Variants in AFAP1L2 observed in about 807,000 individuals in gnomAD.
AFAP1L2 encodes actin filament associated protein 1 like 2, also known as actin filament-associated protein 1-like 2.
In AFAP1L2, 46 loss-of-function variants were observed where a neutral mutation model predicts 99.3. The observed-to-expected ratio is 0.46, with a 90% CI of 0.37 to 0.59. The LOEUF is 0.59. Among genes scored for constraint, AFAP1L2 ranks in the 20% least tolerant of loss-of-function variants. The pLI is 0.00. For missense variants in AFAP1L2, 959 were observed against 1,034.9 expected (o/e 0.93, Z 1.01); for synonymous variants, 397 against 419.1 (o/e 0.95, Z 0.64).
intron 1 of AFAP1L2, among the ~76,000 whole-genome samples, chr10:114,395,980 A>T (rs2057674647): frequency 6.6e-6 from 1 of 152,216 alleles, no homozygotes; most frequent in African/African-American, 2.4e-5. Context: ...AACAAAACTA[A>T]GACAATTAGA....
Position 114,300,362 on chromosome 10 carries a change from G to T in AFAP1L2, c.1789C>A (p.Gln597Lys). 6.2e-7 allele frequency: 1 copy of T among 1,614,178 alleles called. No homozygotes were observed. The highest frequency in any genetic ancestry group is 8.5e-7 in the Non-Finnish European group (1 of 1,180,018). ...IKCPENLGEQ[Q>K]LESLEPEDPS... ...TCCTCTGGCTCCAAACTCTCCAGCTGCTTTGGGGGAAAGCAGACCTGACTC... is the reference window on the plus strand; with the variant it reads ...TCCTCTGGCTCCAAACTCTCCAGCTTCTTTGGGGGAAAGCAGACCTGACTC... Residue 597 changes from glutamine (Q) to lysine (K), a missense_variant and splice_region_variant, in exon 15 of 19, where the codon CAG becomes AAG. Gln to Lys is a moderately conservative substitution (Grantham distance 53). Coordinates refer to ENST00000304129, the MANE Select transcript of AFAP1L2 (RefSeq NM_001001936.3).
At chr10:114,286,221 G>C in the AFAP1L2 span, 2 of 1,613,614 alleles carry the variant, frequency 1.2e-6, no homozygotes, top group South Asian at 2.2e-5. Flanking sequence ...AGTGCCTTGC[G>C]GCAGGCGGCA....
intron 4 of AFAP1L2, among the ~76,000 whole-genome samples, chr10:114,329,422 T>C (rs949368854): frequency 6.6e-6 from 1 of 152,130 alleles, no homozygotes; most frequent in Non-Finnish European, 1.5e-5. Context: ...CAGTACGCGG[T>C]GCTCATGAAA....
intron 1 of AFAP1L2, among the ~76,000 whole-genome samples, chr10:114,365,199 A>AGGTATGGACATTGTTCTCTTCT (rs1290230157): frequency 1.3e-5 from 2 of 152,112 alleles, no homozygotes; most frequent in Non-Finnish European, 2.9e-5. Flanking sequence ...AGAAGTGTCT[A>AGGTATGGACATTGTTCTCTTCT]GGTATGGACA....
intron 1 of AFAP1L2, among the ~76,000 whole-genome samples, chr10:114,356,853 G>T (rs919492250): frequency 6.6e-6 from 1 of 152,218 alleles, no homozygotes; most frequent in Non-Finnish European, 1.5e-5. Flanking sequence ...GCTTTTACAT[G>T]TGTTGGTCAT....
downstream of AFAP1L2, chr10:114,291,471 T>C (rs2039593261): frequency 9.4e-6 from 5 of 533,116 alleles, no homozygotes; most frequent in African/African-American, 4.0e-5. Flanking sequence ...CAAACGATGT[T>C]GTTGAAAAGT....
At chr10:114,309,005 C>T (rs2042822866) in intron 8 of AFAP1L2, among the ~76,000 whole-genome samples, 1 of 152,166 alleles carries the variant, frequency 6.6e-6, no homozygotes, top group Non-Finnish European at 1.5e-5. Context: ...GGATGACATC[C>T]CAGTCTGCTC....
intron 1 of AFAP1L2, among the ~76,000 whole-genome samples, chr10:114,341,887 T>C (rs2048881176): frequency 6.6e-6 from 1 of 152,102 alleles, no homozygotes; most frequent in Non-Finnish European, 1.5e-5. Flanking sequence ...GAAGAAAGAA[T>C]TTGAGAGGCA....
At chr10:114,306,761 C>A (rs78327729) in intron 10 of AFAP1L2, among the ~76,000 whole-genome samples, 3,655 of 152,158 alleles carry the variant, frequency 0.024, 137 homozygotes, top group African/African-American at 0.082. Context: ...CCTCCCCTAG[C>A]CGCAGGAAGC....
Position 114,340,909 on chromosome 10 carries a change from C to T in AFAP1L2, c.17-178G>A, listed in dbSNP as rs1220939203. The T allele has an allele frequency of 5.2e-6, 4 of 770,650 alleles. No individual in the cohort carries two copies. In the African/African-American group the frequency reaches 6.9e-5, roughly 13 times the overall value. 47.7% of individuals were successfully genotyped at this position (770,650 alleles called of 1,614,324 possible). ...GGGCAGAAGATGGGATTCTCAGCTC[C>T]AGGGCCACAGGGAGAGAGAAACAGG... is the stretch of plus-strand genomic sequence containing the variant. On this transcript the variant is annotated intron_variant, in intron 1 of 18. Coordinates refer to ENST00000304129, the MANE Select transcript of AFAP1L2 (RefSeq NM_001001936.3).
chr10:114,358,497 A>C (rs1387701406), intron 1 of AFAP1L2, among the ~76,000 whole-genome samples: 2 of 152,188 alleles, frequency 1.3e-5, no homozygotes, highest in Non-Finnish European at 2.9e-5. Flanking sequence ...CCAGATCTGA[A>C]TTCAAATCAC....
At chr10:114,286,885 T>C in the AFAP1L2 span, among the ~76,000 whole-genome samples, 1 of 152,214 alleles carries the variant, frequency 6.6e-6, no homozygotes, top group Non-Finnish European at 1.5e-5. Context: ...CCAGCTCCTT[T>C]GATGGCAATC....
chr10:114,333,727 C>G (rs1387748555), intron 2 of AFAP1L2, among the ~76,000 whole-genome samples: 1 of 152,142 alleles, frequency 6.6e-6, no homozygotes, highest in African/African-American at 2.4e-5. Flanking sequence ...AGGAGAATCA[C>G]TTGAACCTGG....
At position 114,323,252 on chromosome 10, in the gene AFAP1L2, G is replaced by A. The variant is rs62641712; in HGVS notation, c.325C>T (p.Arg109Trp). The change falls in exon 5 of 19, where the codon CGG becomes TGG. Residue 109 changes from arginine (R) to tryptophan (W), a missense_variant. This residue lies in a region of AFAP1L2 where 383 missense variants were observed against 472.8 expected (regional missense o/e 0.81). Coordinates refer to ENST00000304129, the MANE Select transcript of AFAP1L2 (RefSeq NM_001001936.3). Reference sequence around the variant, plus strand: ...GTCTTTGGGATGGCAAGCTGTTTCCGTTCTGGAATCTGTGGTATGAACAAA... The same window carrying A: ...GTCTTTGGGATGGCAAGCTGTTTCCATTCTGGAATCTGTGGTATGAACAAA... ...DLPPPKMIPE[R>W]KQLAIPKTES... is the part of the protein sequence containing the mutation. The A allele has an allele frequency of 7.3e-4, 1,166 of 1,594,632 alleles. 11 individuals carry two copies. In the African/African-American group the frequency reaches 0.012, roughly 16 times the overall value.
At chr10:114,305,514 A>G (rs1589984550) in intron 10 of AFAP1L2, among the ~76,000 whole-genome samples, 3 of 48,410 alleles carry the variant, frequency 6.2e-5, no homozygotes, top group African/African-American at 1.6e-4. Context: ...GAGATGCAGG[A>G]GGGGGTGCAG....
At chr10:114,395,803 C>T (rs927486957) in intron 1 of AFAP1L2, among the ~76,000 whole-genome samples, 3 of 149,126 alleles carry the variant, frequency 2.0e-5, no homozygotes, top group Admixed American at 2.0e-4. Context: ...CATAAGCTCC[C>T]AGCTTCTCCC....
chr10:114,297,363 C>T lies in AFAP1L2; in HGVS notation c.2164G>A (p.Glu722Lys). Residue 722 changes from glutamate to lysine, a missense_variant, in exon 17 of 19, where the codon GAG (glutamate) becomes AAG (lysine). By Grantham distance (56) the Glu-to-Lys change is moderately conservative. Coordinates refer to ENST00000304129, the MANE Select transcript of AFAP1L2 (RefSeq NM_001001936.3). ...LEQKLKEIDE[E>K]CRGEESRRVD... ...CGCCTGCTCTCCTCGCCCCGGCACTCCTCGTCAATTTCCTTCAGCTTCTGC... is the reference window on the plus strand; with the variant it reads ...CGCCTGCTCTCCTCGCCCCGGCACTTCTCGTCAATTTCCTTCAGCTTCTGC... 1.2e-6 allele frequency: 2 copies of T among 1,613,774 alleles called. No homozygotes were observed. Among genetic ancestry groups the T allele is most frequent in the Non-Finnish European group, 1.7e-6 (2 of 1,180,020 alleles).
intron 1 of AFAP1L2, among the ~76,000 whole-genome samples, chr10:114,378,942 C>A (rs2055187465): frequency 6.6e-6 from 1 of 152,046 alleles, no homozygotes; most frequent in Admixed American, 6.6e-5. Context: ...ACAGGCACAG[C>A]AGCTCATGCC....
chr10:114,352,505 C>T (rs902332778), intron 1 of AFAP1L2, among the ~76,000 whole-genome samples: 1 of 31,204 alleles, frequency 3.2e-5, no homozygotes, highest in Non-Finnish European at 8.5e-5. Context: ...AAAAAGCAAC[C>T]GGAGATGTCC....
Sources: allele counts gnomAD v4.1 joint callset (sites outside exome capture counted in the v4.1 genomes callset), GRCh38; gene constraint gnomAD v4.1.1; regional missense constraint gnomAD v4.1.1; transcripts MANE v1.5; gene names NCBI Gene and HGNC (gene_info 2026-07-23, HGNC 2026-07-21).